Variants in ZFP82 observed in about 807,000 individuals in gnomAD.
ZFP82 encodes the protein ZFP82 zinc finger protein.
A neutral mutation model predicts 54.0 loss-of-function variants in ZFP82; 30 were observed. The observed-to-expected ratio is 0.56, with a 90% CI of 0.42 to 0.75. ZFP82 has a LOEUF of 0.75. Ranked by LOEUF, ZFP82 falls within the 30% of genes least tolerant of loss-of-function variation. The pLI is 0.00. For missense variants in ZFP82, 500 were observed against 636.8 expected, an observed-to-expected ratio of 0.79 and a Z score of 2.31; for synonymous variants, 194 against 209.5, an observed-to-expected ratio of 0.93 and a Z score of 0.64.
Position 36,391,951 on chromosome 19 carries a change from A to G in ZFP82, c.*790T>C, listed in dbSNP as rs1214233584. ...TAAATATTTAGTATGATAATAAAAG[A>G]AAGTTTAGTGGCTTAAAACAACAAC... On this transcript the variant is annotated 3_prime_UTR_variant, in exon 5 of 5. Coordinates refer to ENST00000392161, the MANE Select transcript of ZFP82 (RefSeq NM_133466.4). 1 of 152,246 alleles carries G rather than the reference A, an allele frequency of 6.6e-6. No individual in the cohort carries two copies. Among genetic ancestry groups the G allele is most frequent in the Non-Finnish European group, 1.5e-5 (1 of 68,046 alleles). The allele number at this position is 152,246 out of a possible 1,614,324, so 9.4% of individuals were successfully genotyped here.
At chr19:36,403,926 A>G (rs2032438600) in intron 4 of ZFP82, among the ~76,000 whole-genome samples, 1 of 152,160 alleles carries the variant, frequency 6.6e-6, no homozygotes, top group African/African-American at 2.4e-5. Flanking sequence ...ATTTATGAGA[A>G]AAGTTGGGGG....
chr19:36,396,145 A>T (rs531853429), intron 4 of ZFP82: 1 of 149,954 alleles, frequency 6.7e-6, no homozygotes, highest in East Asian at 2.0e-4. Flanking sequence ...ACCTCAAGTG[A>T]TCCTCCCACC....
In ZFP82 at chr19:36,409,846, C is replaced by T. The variant is rs537832019; in HGVS notation, c.-57G>A. On this transcript the variant is annotated 5_prime_UTR_variant, in exon 2 of 5. Transcript: ENST00000392161. ...CTTGGGGTTTACTTGCCAGGAGAAG[C>T]ACCGAGTCCACAGAGGCTGATCTAG... 10 of 1,596,680 alleles carry T rather than the reference C, an allele frequency of 6.3e-6. No individual in the cohort carries two copies. The South Asian group carries it at 1.1e-4, about 18-fold the overall frequency.
chr19:36,417,552 C>T (rs2032693640), intron 1 of ZFP82, among the ~76,000 whole-genome samples: 1 of 152,148 alleles, frequency 6.6e-6, no homozygotes, highest in Admixed American at 6.5e-5. Flanking sequence ...CCGCTCGGAC[C>T]CCTTTTCTTA....
intron 1 of ZFP82, among the ~76,000 whole-genome samples, chr19:36,416,294 GTAGATC>G (rs1422801167): frequency 6.6e-6 from 1 of 152,156 alleles, no homozygotes; most frequent in African/African-American, 2.4e-5. Context: ...TTCTAGGCCA[GTAGATC>G]TGAATCTTAA....
Position 36,392,487 on chromosome 19 carries a change from C to T in ZFP82, c.*254G>A, listed in dbSNP as rs1216031182. On this transcript the variant is annotated 3_prime_UTR_variant, in exon 5 of 5. Transcript: ENST00000392161. ...AAAATTATAGCACAGAGCAGTTAAG[C>T]GTCTTGTCCAGTATGACACAAAGTG... 1.0e-5 allele frequency: 4 copies of T among 383,532 alleles called. No homozygotes were observed. Among genetic ancestry groups the T allele is most frequent in the East Asian group, 4.2e-5 (1 of 23,660 alleles). The allele number at this position is 383,532 out of a possible 1,614,324, so 23.8% of individuals were successfully genotyped here. A position where few individuals can be genotyped will look rare whatever the true frequency, so the allele number is the denominator to read the frequency against.
At chr19:36,404,616 G>A (rs1854288562) in intron 4 of ZFP82, among the ~76,000 whole-genome samples, 1 of 152,160 alleles carries the variant, frequency 6.6e-6, no homozygotes, top group African/African-American at 2.4e-5. Context: ...GTGGCCATAG[G>A]ACTTATGTTA....
downstream of ZFP82, among the ~76,000 whole-genome samples, chr19:36,387,306 C>G (rs978939736): frequency 1.3e-5 from 2 of 152,120 alleles, no homozygotes; most frequent in Non-Finnish European, 2.9e-5. Context: ...CCAATGCTCA[C>G]CCCCAAGTTT....
At chr19:36,411,250 G>A (rs2032575474) in intron 1 of ZFP82, among the ~76,000 whole-genome samples, 1 of 151,996 alleles carries the variant, frequency 6.6e-6, no homozygotes, top group Non-Finnish European at 1.5e-5. Flanking sequence ...TAGCAAAGCT[G>A]CATTTGGAAT....
exon 2 of ZFP82, chr19:36,383,227 C>T (rs2032079444): frequency 6.6e-6 from 1 of 152,106 alleles, no homozygotes; most frequent in South Asian, 2.1e-4. Flanking sequence ...AGATCTACTT[C>T]AGGGCTCTTT....
rs529385925 is a variant in ZFP82, at chr19:36,400,150, T to C, written c.229+5430A>G. On this transcript the variant is annotated intron_variant, in intron 4 of 4. Coordinates refer to ENST00000392161, the MANE Select transcript of ZFP82 (RefSeq NM_133466.4). Reference sequence around the variant, plus strand: ...GGATTTCTAGTCCATTAAACACTTCTGATGAGAATGTAGAAAAGTCCTTTT... The same window carrying C: ...GGATTTCTAGTCCATTAAACACTTCCGATGAGAATGTAGAAAAGTCCTTTT... Among the ~76,000 whole-genome samples, 7 of 152,356 alleles carry C rather than the reference T, an allele frequency of 4.6e-5. No individual in the cohort carries two copies. The East Asian group carries it at 1.3e-3, about 29-fold the overall frequency.
chr19:36,393,874 A>G lies in ZFP82; in HGVS notation c.466T>C (p.Ser156Pro). Reference protein sequence around the residue: ...EKVSSYQKRTSVTPHQRLHFV... With the variant: ...EKVSSYQKRTPVTPHQRLHFV... ...TGAAGTCTCTGATGTGGAGTAACAG[A>G]TGTGCGTTTCTGGTAAGAGGACACC... is the stretch of plus-strand genomic sequence containing the variant. Residue 156 changes from serine (S) to proline (P), a missense_variant, in exon 5 of 5, where the codon TCT becomes CCT. Coordinates refer to ENST00000392161, the MANE Select transcript of ZFP82 (RefSeq NM_133466.4). The G allele has an allele frequency of 6.2e-7, 1 of 1,614,184 alleles. No individual in the cohort carries two copies. The highest frequency in any genetic ancestry group is 8.5e-7 in the Non-Finnish European group (1 of 1,180,040).
intron 4 of ZFP82, among the ~76,000 whole-genome samples, chr19:36,397,563 T>G (rs1397262630): frequency 2.0e-5 from 3 of 152,056 alleles, no homozygotes; most frequent in Non-Finnish European, 4.4e-5. Context: ...GATAATTTGT[T>G]GTTTTTTTGT....
chr19:36,400,567 A>G (rs1316351391), intron 4 of ZFP82, among the ~76,000 whole-genome samples: 1 of 152,152 alleles, frequency 6.6e-6, no homozygotes, highest in Non-Finnish European at 1.5e-5. Flanking sequence ...AGAATATGCT[A>G]TCTTCTCTCC....
intron 3 of ZFP82, among the ~76,000 whole-genome samples, chr19:36,405,905 G>A (rs1256176320): frequency 6.6e-6 from 1 of 152,118 alleles, no homozygotes; most frequent in African/African-American, 2.4e-5. Context: ...TTTTTCAGAG[G>A]CAATAGTGGT....
At chr19:36,416,926 A>AGCTGGGTG (rs2032681416) in intron 1 of ZFP82, among the ~76,000 whole-genome samples, 1 of 133,362 alleles carries the variant, frequency 7.5e-6, no homozygotes, top group African/African-American at 2.6e-5. Context: ...TACAAAAATT[A>AGCTGGGTG]GCTGGGTGTG....
chr19:36,384,186 A>C (rs1369038877), downstream of ZFP82: 4 of 152,206 alleles, frequency 2.6e-5, no homozygotes, highest in Non-Finnish European at 5.9e-5. Flanking sequence ...CTATTCAATA[A>C]GGTATTTTTC....
chr19:36,394,420 A>C lies in ZFP82; in HGVS notation c.230-310T>G, dbSNP rs2032261706. ...ACACCACCCAAACCACCTGGATCAGACTCTGCAGTCCTGGAAGGATATTTA... is the reference window on the plus strand; with the variant it reads ...ACACCACCCAAACCACCTGGATCAGCCTCTGCAGTCCTGGAAGGATATTTA... On this transcript the variant is annotated intron_variant, in intron 4 of 4. Coordinates refer to ENST00000392161, the MANE Select transcript of ZFP82 (RefSeq NM_133466.4). The C allele has an allele frequency of 1.0e-5, 3 of 293,726 alleles. No individual in the cohort carries two copies. In the South Asian group the frequency reaches 1.3e-4, roughly 13 times the overall value. 18.2% of individuals were successfully genotyped at this position (293,726 alleles called of 1,614,324 possible).
At chr19:36,387,912 C>A (rs1430393500), downstream of ZFP82, among the ~76,000 whole-genome samples, 3 of 152,182 alleles carry the variant, frequency 2.0e-5, no homozygotes, top group Non-Finnish European at 2.9e-5. Context: ...TCACACCCAG[C>A]CAGTATTCTT....
Sources: gnomAD v4.1 joint callset for allele counts (sites outside exome capture counted in the v4.1 genomes callset) on GRCh38, gnomAD v4.1.1 for gene constraint, MANE v1.5 for transcripts, NCBI Gene and HGNC (gene_info 2026-07-23, HGNC 2026-07-21) for gene names.